Variants in ZC3H14 observed in about 807,000 individuals in gnomAD.
ZC3H14 encodes zinc finger CCCH-type containing 14.
Under a neutral mutation model 92.4 loss-of-function variants are expected in ZC3H14, and 31 were observed. That is an observed-to-expected ratio of 0.34 (90% CI 0.25 to 0.45). The LOEUF (loss-of-function observed/expected upper bound fraction) is 0.45, where lower values mean the gene tolerates loss of function less well. Ranked by LOEUF, ZC3H14 falls within the 20% of genes least tolerant of loss-of-function variation. ZC3H14 has a pLI of 1.00. For missense variants in ZC3H14, 781 were observed against 897.3 expected, an observed-to-expected ratio of 0.87 and a Z score of 1.66; for synonymous variants, 321 against 300.9, an observed-to-expected ratio of 1.07 and a Z score of -0.69.
At chr14:88,592,334 CATT>C (rs1478183312) in intron 9 of ZC3H14, 1 of 152,050 alleles carries the variant, frequency 6.6e-6, no homozygotes, top group Non-Finnish European at 1.5e-5. Context: ...GAATTTTGAA[CATT>C]ATTTTCTGTC....
intron 9 of ZC3H14, among the ~76,000 whole-genome samples, chr14:88,578,808 T>C (rs2081521611): frequency 1.5e-5 from 2 of 134,084 alleles, no homozygotes; most frequent in African/African-American, 5.5e-5. Flanking sequence ...TTTTTTTTGC[T>C]TTTTTCTCAG....
In ZC3H14 at chr14:88,563,087, G is replaced by T. The variant is rs758261899; in HGVS notation, c.-47G>T. The T allele has an allele frequency of 8.3e-6, 13 of 1,558,656 alleles. No individual in the cohort carries two copies. The highest frequency in any genetic ancestry group is 1.1e-5 in the Non-Finnish European group (13 of 1,158,996). ...GGTAGGAGTCCGCGGCAGCCTCCGG[G>T]TAAGCCAAGCGCCGCGCAGTGCTGA... On this transcript the variant is annotated 5_prime_UTR_variant, in exon 1 of 17. Transcript: ENST00000251038.
intron 15 of ZC3H14, 143 bp downstream of exon 15, chr14:88,609,946 T>A: frequency 1.1e-6 from 1 of 901,988 alleles, no homozygotes; most frequent in Non-Finnish European, 1.7e-6. Flanking sequence ...TCCTCGTCAC[T>A]GAACCTCCAT....
At chr14:88,575,685 A>G (rs2081071442) in intron 7 of ZC3H14, among the ~76,000 whole-genome samples, 155 bp from the exon 8 acceptor site, 1 of 152,136 alleles carries the variant, frequency 6.6e-6, no homozygotes, top group African/African-American at 2.4e-5. Flanking sequence ...TGTCTAAAAA[A>G]AAAAATAAGG....
intron 1 of ZC3H14, 193 bp downstream of exon 1, chr14:88,563,362 G>A: frequency 6.9e-7 from 1 of 1,447,776 alleles, no homozygotes; most frequent in South Asian, 1.5e-5. Context: ...CGTGGCTGCG[G>A]CTGAAGTAGC....
At position 88,624,981 on chromosome 14, in the gene ZC3H14, T is replaced by C; in HGVS notation, c.*13230T>C. On this transcript the variant is annotated 3_prime_UTR_variant, in exon 17 of 17. Transcript: ENST00000251038. The stretch of plus-strand genomic sequence containing the variant: ...GAAAGAGGACTCACGGCCTTTCCTT[T>C]CCCCCAGTCACGATAAGTCCATCTC... The C allele has an allele frequency of 1.2e-6, 2 of 1,613,342 alleles. No homozygotes were observed. Among genetic ancestry groups the C allele is most frequent in the South Asian group, 1.1e-5 (1 of 90,966 alleles).
Position 88,569,743 on chromosome 14 carries a change from G to A in ZC3H14, c.195-1341G>A, listed in dbSNP as rs74077920. 1.7e-3 allele frequency among the ~76,000 whole-genome samples: 252 copies of A among 152,306 alleles called. 1 individual carries two copies. The highest frequency in any genetic ancestry group is 5.6e-3 in the African/African-American group (233 of 41,566). ...AGTTCTTGCCTTTATACCAAAGGTC[G>A]TCTTCAAGGTGTTTTTGCCCAAGTA... is the stretch of plus-strand genomic sequence containing the variant. On this transcript the variant is annotated intron_variant, in intron 3 of 16. Transcript: ENST00000251038.
rs2089751197 is a variant in ZC3H14, at chr14:88,625,289, C to CCTTA, written c.*13538_*13539insCTTA. On this transcript the variant is annotated 3_prime_UTR_variant, in exon 17 of 17. Coordinates refer to ENST00000251038, the MANE Select transcript of ZC3H14 (RefSeq NM_024824.5). ...GAATTCACGAGTCAGGAAACCTGAA[C>CCTTA]GGGAGGCTTAGCTTTGTCAGGACCT... 3 of 737,332 alleles carry CCTTA rather than the reference C, an allele frequency of 4.1e-6. No individual in the cohort carries two copies. The highest frequency in any genetic ancestry group is 6.3e-6 in the Non-Finnish European group (3 of 477,758). 45.7% of individuals were successfully genotyped at this position (737,332 alleles called of 1,614,324 possible).
chr14:88,599,398 G>A (rs1177529173), intron 10 of ZC3H14, among the ~76,000 whole-genome samples: 4 of 152,122 alleles, frequency 2.6e-5, no homozygotes, highest in Non-Finnish European at 4.4e-5. Flanking sequence ...TGACATTTCT[G>A]TGGGCTTTCA....
At chr14:88,594,815 C>G in intron 9 of ZC3H14, 1 of 1,614,028 alleles carries the variant, frequency 6.2e-7, no homozygotes, top group Non-Finnish European at 8.5e-7. Flanking sequence ...ACAAGCTCCT[C>G]TTGTTCACTG....
At chr14:88,563,293 G>A in intron 1 of ZC3H14, 124 bp downstream of exon 1, 1 of 1,530,882 alleles carries the variant, frequency 6.5e-7, no homozygotes, top group African/African-American at 1.4e-5. Flanking sequence ...GCTCCTGGCG[G>A]GCTGCGGCTC....
At chr14:88,571,950 G>A (rs949354923) in intron 4 of ZC3H14, 80 bp from the exon 5 acceptor site, 38 of 1,192,026 alleles carry the variant, frequency 3.2e-5, no homozygotes, top group Middle Eastern at 6.0e-4. Flanking sequence ...GCGACAGAGC[G>A]AGACTCCATC....
Position 88,566,028 on chromosome 14 carries a change from GCCCCCC to G in ZC3H14, c.80-2004_80-1999del, listed in dbSNP as rs1161358992. ...GATTACAGGCACCTGCCACCACCCC[GCCCCCC>G]CCCCCCGGCTAATTTTTGTGTTTTT... is the stretch of plus-strand genomic sequence containing the variant. On this transcript the variant is annotated intron_variant, in intron 2 of 16. Coordinates refer to ENST00000251038, the MANE Select transcript of ZC3H14 (RefSeq NM_024824.5). 6.6e-3 allele frequency among the ~76,000 whole-genome samples: 18 copies of G among 2,708 alleles called. 5 individuals are homozygous for G. Among genetic ancestry groups the G allele is most frequent in the Admixed American group, 0.023 (4 of 172 alleles). The allele number at this position is 2,708 out of a possible 152,430, so 1.8% of individuals were successfully genotyped here. A position where few individuals can be genotyped will look rare whatever the true frequency, so the allele number is the denominator to read the frequency against.
rs758677046 is a variant in ZC3H14, at chr14:88,575,883, T to C, written c.1066T>C (p.Leu356=). The change falls in exon 8 of 17, where the codon TTG becomes CTG. Residue 356 remains leucine, a synonymous_variant. Transcript: ENST00000251038. ...PSKQANKNLI[L]KAISEAQESV... The stretch of plus-strand genomic sequence containing the variant: ...TAAACAAGCTAACAAGAATCTGATT[T>C]TGAAGGCTATATCTGAAGCTCAAGA... 6 of 1,613,996 alleles carry C rather than the reference T, an allele frequency of 3.7e-6. No homozygotes were observed. In the South Asian group the frequency reaches 5.5e-5, roughly 15 times the overall value.
intron 9 of ZC3H14, among the ~76,000 whole-genome samples, chr14:88,584,633 G>T (rs2082271357): frequency 6.6e-6 from 1 of 152,264 alleles, no homozygotes; most frequent in South Asian, 2.1e-4. Flanking sequence ...TGTTTTGAGT[G>T]TCCACTTAAA....
rs1354825634 is a variant in ZC3H14 at position 88,616,025 on chromosome 14, C to G, written c.*4274C>G. On this transcript the variant is annotated 3_prime_UTR_variant, in exon 17 of 17. Coordinates refer to ENST00000251038, the MANE Select transcript of ZC3H14 (RefSeq NM_024824.5). ...GATTCTGAAGAGCCATCTGGTTATA[C>G]TACCTTCTACTAATGTTGACTAGCT... 4 of 1,292,918 alleles carry G rather than the reference C, an allele frequency of 3.1e-6. No homozygotes were observed. The highest frequency in any genetic ancestry group is 4.4e-6 in the Non-Finnish European group (4 of 905,614). 80.1% of individuals were successfully genotyped at this position (1,292,918 alleles called of 1,614,324 possible).
Position 88,578,149 on chromosome 14 carries a change from T to C in ZC3H14, c.1279+9T>C, listed in dbSNP as rs200718239. ...TGTAGAAAAAAATCAAGGTAATAAC[T>C]TAAATGATGTTTCACTCTTTACTAC... is the stretch of plus-strand genomic sequence containing the variant. On this transcript the variant is annotated intron_variant, in intron 9 of 16. Coordinates refer to ENST00000251038, the MANE Select transcript of ZC3H14 (RefSeq NM_024824.5). 5.1e-4 allele frequency: 819 copies of C among 1,613,648 alleles called. 1 individual carries two copies. Among genetic ancestry groups the C allele is most frequent in the Non-Finnish European group, 4.2e-4 (499 of 1,179,790 alleles).
intron 15 of ZC3H14, among the ~76,000 whole-genome samples, 166 bp from the exon 16 acceptor site, chr14:88,610,668 G>A (rs1178243026): frequency 4.0e-5 from 6 of 149,536 alleles, no homozygotes; most frequent in African/African-American, 1.2e-4. Flanking sequence ...AACAGGCTTG[G>A]TAGCACACGC....
Position 88,616,075 on chromosome 14 carries a change from A to T in ZC3H14, c.*4324A>T, listed in dbSNP as rs546537085. 1 of 1,518,544 alleles carries T rather than the reference A, an allele frequency of 6.6e-7. No homozygotes were observed. Among genetic ancestry groups the T allele is most frequent in the South Asian group, 1.1e-5 (1 of 88,562 alleles). The allele number at this position is 1,518,544 out of a possible 1,614,324, so 94.1% of individuals were successfully genotyped here. A position where few individuals can be genotyped will look rare whatever the true frequency, so the allele number is the denominator to read the frequency against. ...TGATTTCATAAACCAAAGCTGTAGGAGTTGTTGTATTAAGTCTCTTAACTA... is the reference window on the plus strand; with the variant it reads ...TGATTTCATAAACCAAAGCTGTAGGTGTTGTTGTATTAAGTCTCTTAACTA... On this transcript the variant is annotated 3_prime_UTR_variant, in exon 17 of 17. Coordinates refer to ENST00000251038, the MANE Select transcript of ZC3H14 (RefSeq NM_024824.5).
Sources: gnomAD v4.1 joint callset for allele counts (sites outside exome capture counted in the v4.1 genomes callset) on GRCh38, gnomAD v4.1.1 for gene constraint, MANE v1.5 for transcripts, NCBI Gene and HGNC (gene_info 2026-07-23, HGNC 2026-07-21) for gene names.